PDE10A: variants seen among roughly 807,000 people sequenced by gnomAD.
PDE10A encodes cAMP and cAMP-inhibited cGMP 3',5'-cyclic phosphodiesterase 10A.
A neutral mutation model predicts 97.7 loss-of-function variants in PDE10A; 39 were observed. That is an observed-to-expected ratio of 0.40 (90% CI 0.31 to 0.52). The LOEUF (loss-of-function observed/expected upper bound fraction) is 0.52. Ranked by LOEUF, PDE10A falls within the 20% of genes least tolerant of loss-of-function variation. The pLI is 0.56. For synonymous variants in PDE10A, 371 were observed against 376.8 expected (o/e 0.98, Z 0.18); for missense variants, 731 against 1,047.8 (o/e 0.70, Z 4.17).
At chr6:165,408,079 T>G (rs1787356489) in intron 13 of PDE10A, among the ~76,000 whole-genome samples, 1 of 152,222 alleles carries the variant, frequency 6.6e-6, no homozygotes, top group Non-Finnish European at 1.5e-5. Context: ...AATATGCCAT[T>G]ACATTATCAT....
intron 1 of PDE10A, among the ~76,000 whole-genome samples, chr6:165,944,399 C>G (rs1238228285): frequency 6.6e-6 from 1 of 152,160 alleles, no homozygotes; most frequent in Non-Finnish European, 1.5e-5. Context: ...GGTTCCCTTC[C>G]TCTTGCAGAC....
chr6:165,649,135 G>A (rs951898484), intron 1 of PDE10A, among the ~76,000 whole-genome samples: 4 of 152,210 alleles, frequency 2.6e-5, no homozygotes, highest in African/African-American at 9.6e-5. Flanking sequence ...ATCTCACGAG[G>A]AGCTTGCAGC....
At chr6:165,369,306 A>C (rs1339775578) in intron 18 of PDE10A, among the ~76,000 whole-genome samples, 2 of 151,798 alleles carry the variant, frequency 1.3e-5, no homozygotes, top group Non-Finnish European at 2.9e-5. Flanking sequence ...ATTCAAACCA[A>C]AGACAAAGAA....
At chr6:165,912,077 A>G (rs1782476250) in intron 1 of PDE10A, among the ~76,000 whole-genome samples, 1 of 151,486 alleles carries the variant, frequency 6.6e-6, no homozygotes, top group Admixed American at 6.6e-5. Context: ...ATCTCTATCA[A>G]TCATCTATCA....
chr6:165,925,568 A>G (rs139729210), intron 1 of PDE10A, among the ~76,000 whole-genome samples: 1 of 152,394 alleles, frequency 6.6e-6, no homozygotes, highest in Non-Finnish European at 1.5e-5. Context: ...ACAAACACAC[A>G]ACTTGGATTA....
intron 2 of PDE10A, among the ~76,000 whole-genome samples, chr6:165,514,307 T>C (rs2128303732): frequency 6.6e-6 from 1 of 152,366 alleles, no homozygotes; most frequent in South Asian, 2.1e-4. Flanking sequence ...GAAGTTGAAA[T>C]GCTTTTCTTC....
chr6:165,864,880 C>T (rs1239966588), intron 1 of PDE10A, among the ~76,000 whole-genome samples: 1 of 152,108 alleles, frequency 6.6e-6, no homozygotes, highest in Non-Finnish European at 1.5e-5. Flanking sequence ...AAGAAATTAA[C>T]ATATAATACT....
In PDE10A at chr6:165,369,775, G is replaced by T. The variant is rs575079653; in HGVS notation, c.2783+9419C>A. On this transcript the variant is annotated intron_variant, in intron 18 of 21. Transcript: ENST00000539869. The stretch of plus-strand genomic sequence containing the variant: ...AAGAGCAACTCCAAGACACATAATT[G>T]TCAGATTCACCAAAGTTGAAATGAA... Among the ~76,000 whole-genome samples, 121 of 147,324 alleles carry T rather than the reference G, an allele frequency of 8.2e-4. 1 individual carries two copies. The highest frequency in any genetic ancestry group is 6.8e-3 in the Middle Eastern group (2 of 292).
intron 1 of PDE10A, among the ~76,000 whole-genome samples, chr6:165,942,175 T>G (rs1783544289): frequency 6.6e-6 from 1 of 152,136 alleles, no homozygotes. Flanking sequence ...ATATTCCAGT[T>G]AGGGCTGCCA....
At chr6:165,679,458 G>C (rs191627033) in intron 1 of PDE10A, among the ~76,000 whole-genome samples, 19 of 152,296 alleles carry the variant, frequency 1.2e-4, no homozygotes, top group African/African-American at 4.6e-4. Context: ...GGGAAATCTG[G>C]ATTCTCACCG....
intron 13 of PDE10A, among the ~76,000 whole-genome samples, chr6:165,396,953 A>G (rs888216023): frequency 5.3e-5 from 8 of 152,120 alleles, no homozygotes; most frequent in African/African-American, 1.7e-4. Context: ...TCTTGACTGT[A>G]TATTGTTACT....
At chr6:165,977,754 A>G (rs1462924880) in intron 1 of PDE10A, among the ~76,000 whole-genome samples, 5 of 152,224 alleles carry the variant, frequency 3.3e-5, no homozygotes. Context: ...TGTGCCTCCA[A>G]TAAATGAGGG....
intron 2 of PDE10A, among the ~76,000 whole-genome samples, chr6:165,521,330 C>T (rs73247769): frequency 0.01 from 1,577 of 152,194 alleles, 31 homozygotes; most frequent in African/African-American, 0.035. Flanking sequence ...CCTACAATGG[C>T]CTCAATGGCC....
At chr6:165,558,996 A>G (rs1416934903) in intron 1 of PDE10A, among the ~76,000 whole-genome samples, 2 of 135,516 alleles carry the variant, frequency 1.5e-5, no homozygotes, top group Middle Eastern at 3.7e-3. Flanking sequence ...CAACAATTCA[A>G]GTAAAAAAAA....
intron 1 of PDE10A, among the ~76,000 whole-genome samples, chr6:165,560,153 C>G (rs550244944): frequency 1.3e-5 from 2 of 152,182 alleles, no homozygotes; most frequent in African/African-American, 4.8e-5. Flanking sequence ...CCTGGCCTAA[C>G]CAAATGAGTC....
In PDE10A at chr6:165,905,456, T is replaced by C. The variant is rs189554457; in HGVS notation, c.-615+82073A>G. Among the ~76,000 whole-genome samples the C allele has an allele frequency of 1.5e-3, 221 of 152,304 alleles. 1 individual carries two copies. Among genetic ancestry groups the C allele is most frequent in the African/African-American group, 5.1e-3 (211 of 41,578 alleles). On this transcript the variant is annotated intron_variant, in intron 1 of 19. Transcript: ENST00000366882. ...TCTTTAATAATCATTAAGAATCTTG[T>C]CCATATCTATTAATTTCACTAACAA...
At chr6:165,785,749 T>C (rs1234702628) in intron 1 of PDE10A, among the ~76,000 whole-genome samples, 1 of 152,222 alleles carries the variant, frequency 6.6e-6, no homozygotes, top group African/African-American at 2.4e-5. Flanking sequence ...GTGAGACTTC[T>C]AGTCAGTGGT....
chr6:165,820,641 ATGC>A (rs958351952), intron 1 of PDE10A, among the ~76,000 whole-genome samples: 1 of 152,220 alleles, frequency 6.6e-6, no homozygotes, highest in Admixed American at 6.5e-5. Flanking sequence ...GCTTCCCAAA[ATGC>A]TTCATATGCA....
intron 1 of PDE10A, among the ~76,000 whole-genome samples, chr6:165,833,229 T>G (rs576663872): frequency 6.6e-6 from 1 of 152,362 alleles, no homozygotes; most frequent in East Asian, 1.9e-4. Flanking sequence ...TTTCTCTTTA[T>G]TGTATGGCGT....
Sources: gnomAD v4.1 joint callset for allele counts (sites outside exome capture counted in the v4.1 genomes callset) on GRCh38, gnomAD v4.1.1 for gene constraint, MANE v1.5 for transcripts, NCBI Gene and HGNC (gene_info 2026-07-23, HGNC 2026-07-21) for gene names.